Variants in NAV3 observed in about 807,000 individuals in gnomAD.
NAV3 encodes the protein neuron navigator 3, also known as pore membrane and/or filament interacting like protein 1.
Under a neutral mutation model 244.7 loss-of-function variants are expected in NAV3, and 87 were observed. The observed-to-expected ratio is 0.36, with a 90% CI of 0.30 to 0.42. The LOEUF is 0.42. NAV3 is among the 20% of genes least tolerant of loss of function. NAV3 has a pLI of 1.00. For missense variants in NAV3, 2,663 were observed against 2,893.3 expected, an observed-to-expected ratio of 0.92 and a Z score of 1.83; for synonymous variants, 1,126 against 1,042.2, an observed-to-expected ratio of 1.08 and a Z score of -1.55.
chr12:77,777,945 A>T (rs770240101), intron 2 of NAV3, among the ~76,000 whole-genome samples: 18 of 152,094 alleles, frequency 1.2e-4, no homozygotes, highest in Admixed American at 5.2e-4. Flanking sequence ...AACTGGGACT[A>T]CAGGTACGCA....
chr12:78,153,288 T>C (rs1222277764), intron 22 of NAV3, among the ~76,000 whole-genome samples: 4 of 152,040 alleles, frequency 2.6e-5, no homozygotes, highest in African/African-American at 9.7e-5. Context: ...GTAAAGCCCT[T>C]GTTCAGTAGA....
In NAV3 at chr12:77,977,712, G is replaced by GCACACA. The variant is rs540138192; in HGVS notation, c.671+9034_671+9039dup. ...TATACACACACACACACACACACGC[G>GCACACA]CACACACACACACACACACACACAC... is the stretch of plus-strand genomic sequence containing the variant. On this transcript the variant is annotated intron_variant, in intron 5 of 39. Coordinates refer to ENST00000397909, the MANE Select transcript of NAV3 (RefSeq NM_001024383.2). 8.5e-3 allele frequency among the ~76,000 whole-genome samples: 1,220 copies of GCACACA among 143,076 alleles called. 15 individuals carry two copies. The highest frequency in any genetic ancestry group is 0.024 in the African/African-American group (923 of 39,256). The allele number at this position is 143,076 out of a possible 152,430, so 93.9% of individuals were successfully genotyped here.
chr12:78,087,927 T>C (rs1001956199), intron 12 of NAV3, among the ~76,000 whole-genome samples: 28 of 151,574 alleles, frequency 1.8e-4, no homozygotes, highest in Admixed American at 1.8e-3. Flanking sequence ...GCAAAAGGAG[T>C]ATCAGAGAAC....
chr12:77,916,172 C>A (rs1355923534), intron 1 of NAV3, among the ~76,000 whole-genome samples: 1 of 151,972 alleles, frequency 6.6e-6, no homozygotes, highest in Admixed American at 6.6e-5. Flanking sequence ...ACAGAGAAAG[C>A]AAAGCCCTGA....
chr12:77,589,202 A>G (rs1367477570), intron 2 of NAV3, among the ~76,000 whole-genome samples: 1 of 152,182 alleles, frequency 6.6e-6, no homozygotes, highest in African/African-American at 2.4e-5. Context: ...GAGGAAGACA[A>G]TAGTTCAGAT....
chr12:78,000,298 A>G (rs1873027828), intron 7 of NAV3, among the ~76,000 whole-genome samples: 1 of 152,068 alleles, frequency 6.6e-6, no homozygotes, highest in Non-Finnish European at 1.5e-5. Context: ...CTTAGACAAG[A>G]GTTTTCATAC....
At chr12:77,823,326 GAGAT>G (rs1872824807) in intron 2 of NAV3, among the ~76,000 whole-genome samples, 1 of 152,186 alleles carries the variant, frequency 6.6e-6, no homozygotes, top group South Asian at 2.1e-4. Context: ...GAGATACAAA[GAGAT>G]AGGAGAGAAT....
chr12:78,088,495 T>C (rs747218195), intron 12 of NAV3, among the ~76,000 whole-genome samples: 1 of 152,032 alleles, frequency 6.6e-6, no homozygotes, highest in Non-Finnish European at 1.5e-5. Flanking sequence ...CTTAGTTTGT[T>C]GACATGCGCT....
intron 12 of NAV3, among the ~76,000 whole-genome samples, chr12:78,115,987 C>T (rs890640733): frequency 6.6e-6 from 1 of 152,158 alleles, no homozygotes; most frequent in Non-Finnish European, 1.5e-5. Flanking sequence ...AGCTATTTCT[C>T]TTATATTTCA....
chr12:77,645,557 A>C (rs1312182291), intron 2 of NAV3, among the ~76,000 whole-genome samples: 1 of 151,480 alleles, frequency 6.6e-6, no homozygotes, highest in African/African-American at 2.4e-5. Context: ...AAAAAAAAAA[A>C]AAACTTTCAA....
intron 2 of NAV3, among the ~76,000 whole-genome samples, chr12:77,763,297 C>T (rs1520736): frequency 0.5 from 75,277 of 151,912 alleles, 19,090 homozygotes; most frequent in African/African-American, 0.6. Context: ...AAAAAATGAT[C>T]TTTAAAGGCC....
rs964620122 is a variant in NAV3 at position 78,173,308 on chromosome 12, T to A, written c.4982-1998T>A. ...AGTCATAATTGAAGGTAACTGATAC[T>A]TCCAAGGACTACTTTTGACCTAGGA... On this transcript the variant is annotated intron_variant, in intron 24 of 39. Transcript: ENST00000397909. Among the ~76,000 whole-genome samples the A allele has an allele frequency of 2.0e-5, 3 of 151,688 alleles. No individual in the cohort carries two copies. In the Admixed American group the frequency reaches 2.0e-4, roughly 10 times the overall value.
chr12:78,175,278 C>T (rs777535521), intron 24 of NAV3, 28 bp from the exon 25 acceptor site: 1 of 1,607,304 alleles, frequency 6.2e-7, no homozygotes, highest in Non-Finnish European at 8.5e-7. Context: ...CTTCATGAGC[C>T]GATGTGATAC....
chr12:77,817,014 G>T (rs977111846), intron 2 of NAV3, among the ~76,000 whole-genome samples: 3 of 152,118 alleles, frequency 2.0e-5, no homozygotes, highest in Non-Finnish European at 4.4e-5. Context: ...TATTTTATCT[G>T]CAACTGTCAA....
chr12:77,582,705 G>A (rs991729239), intron 2 of NAV3, among the ~76,000 whole-genome samples: 1 of 152,124 alleles, frequency 6.6e-6, no homozygotes, highest in Non-Finnish European at 1.5e-5. Context: ...TGGTGCCAGT[G>A]ACACATGTGA....
intron 1 of NAV3, among the ~76,000 whole-genome samples, chr12:77,938,562 T>A (rs1889554213): frequency 6.6e-6 from 1 of 152,158 alleles, no homozygotes; most frequent in Non-Finnish European, 1.5e-5. Context: ...GTAGGACTAC[T>A]TTGTATTTTC....
intron 2 of NAV3, among the ~76,000 whole-genome samples, chr12:77,585,958 C>T (rs1367793145): frequency 6.6e-6 from 1 of 152,136 alleles, no homozygotes; most frequent in Non-Finnish European, 1.5e-5. Flanking sequence ...GTCAGGAGAT[C>T]GAGACCATCC....
intron 2 of NAV3, among the ~76,000 whole-genome samples, chr12:77,708,234 A>G (rs1195979265): frequency 6.6e-6 from 1 of 152,198 alleles, no homozygotes; most frequent in Non-Finnish European, 1.5e-5. Flanking sequence ...TAATTTTTGT[A>G]TAAGATATAA....
At chr12:77,926,831 C>T (rs1371342881) in intron 1 of NAV3, among the ~76,000 whole-genome samples, 1 of 152,168 alleles carries the variant, frequency 6.6e-6, no homozygotes, top group African/African-American at 2.4e-5. Context: ...CTACGCTAAA[C>T]CAATCTTTCC....
Sources: allele counts gnomAD v4.1 joint callset (sites outside exome capture counted in the v4.1 genomes callset), GRCh38; gene constraint gnomAD v4.1.1; transcripts MANE v1.5; gene names NCBI Gene and HGNC (gene_info 2026-07-23, HGNC 2026-07-21).